The following NAGA variants were observed in gnomAD, a reference collection of about 807,000 sequenced individuals.
NAGA encodes Acetylgalactosaminidase, alpha-N- (alpha-galactosidase B).
A neutral mutation model predicts 45.6 loss-of-function variants in NAGA; 42 were observed. That is an observed-to-expected ratio of 0.92 (90% CI 0.72 to 1.19). The LOEUF (loss-of-function observed/expected upper bound fraction) is 1.19. Among genes scored for constraint, NAGA ranks in the 50% most tolerant of loss-of-function variants. The probability of loss-of-function intolerance (pLI) is 0.00; values close to 1 mark genes in which losing one functional copy is unlikely to be tolerated. For synonymous variants in NAGA, 176 were observed against 203.1 expected (o/e 0.87, Z 1.13); for missense variants, 493 against 544.8 (o/e 0.90, Z 0.95).
rs751045538 is a variant in NAGA, at chr22:42,060,461, C to CCATG, written c.1102-49_1102-48insCATG. The CCATG allele has an allele frequency of 3.7e-6, 6 of 1,608,248 alleles. No homozygotes were observed. In the African/African-American group the frequency reaches 8.2e-5, roughly 22 times the overall value. On this transcript the variant is annotated intron_variant, in intron 8 of 8. Coordinates refer to ENST00000396398, the MANE Select transcript of NAGA (RefSeq NM_000262.3). ...CAATGCCACCATGAGAGTGGCGGCA[C>CCATG]AGAGACCCCCCCCGCTAGAGGATGT...
chr22:42,061,721 G>A (rs1419820578), intron 7 of NAGA, among the ~76,000 whole-genome samples: 1 of 152,146 alleles, frequency 6.6e-6, no homozygotes, highest in South Asian at 2.1e-4. Context: ...GAGGCCAGTG[G>A]ATCAGCTGAC....
At chr22:42,063,909 C>A (rs150015348) in intron 6 of NAGA, among the ~76,000 whole-genome samples, 2,012 of 152,286 alleles carry the variant, frequency 0.013, 23 homozygotes, top group Non-Finnish European at 0.02. Flanking sequence ...TAAAAATTAC[C>A]CAGGCGTGGT....
At position 42,060,179 on chromosome 22, in the gene NAGA, G is replaced by T. The variant is rs1049189891; in HGVS notation, c.*100C>A. On this transcript the variant is annotated 3_prime_UTR_variant, in exon 9 of 9. Transcript: ENST00000396398. ...TATGATGGGGTCAGTCACCGAGCAG[G>T]CCTGGGGAGCAGAGAACCTCCCCAC... is the stretch of plus-strand genomic sequence containing the variant. 5 of 1,492,092 alleles carry T rather than the reference G, an allele frequency of 3.4e-6. No homozygotes were observed. In the East Asian group the frequency reaches 1.1e-4, roughly 34 times the overall value. 92.4% of individuals were successfully genotyped at this position (1,492,092 alleles called of 1,614,324 possible).
intron 3 of NAGA, 131 bp from the exon 4 acceptor site, chr22:42,067,421 C>T (rs1326518968): frequency 8.4e-7 from 1 of 1,184,000 alleles, no homozygotes; most frequent in Non-Finnish European, 1.2e-6. Flanking sequence ...AGCATGCTGG[C>T]CCGGCCTCTG....
chr22:42,060,511 C>G (rs1225877151), intron 8 of NAGA, 98 bp from the exon 9 acceptor site: 1 of 1,551,948 alleles, frequency 6.4e-7, no homozygotes, highest in African/African-American at 1.4e-5. Context: ...TGGACTTTGG[C>G]CTGTCTGTGC....
chr22:42,066,984 C>G, intron 4 of NAGA, 129 bp downstream of exon 4: 1 of 1,476,606 alleles, frequency 6.8e-7, no homozygotes. Flanking sequence ...ATTTAGGGAG[C>G]CTGGGAGCCA....
At chr22:42,060,895 C>T (rs758414605) in intron 8 of NAGA, 29 bp downstream of exon 8, 33 of 1,613,766 alleles carry the variant, frequency 2.0e-5, no homozygotes, top group Middle Eastern at 1.6e-4. Context: ...GAAGCCCAGG[C>T]GGGTGGCTGC....
At position 42,060,251 on chromosome 22, in the gene NAGA, A is replaced by G. The variant is rs747333988; in HGVS notation, c.*28T>C. 1 of 1,612,084 alleles carries G rather than the reference A, an allele frequency of 6.2e-7. No individual in the cohort carries two copies. The highest frequency in any genetic ancestry group is 1.1e-5 in the South Asian group (1 of 90,996). Reference sequence around the variant, plus strand: ...TCCATGGTCTAGGCTCAGTGGTGCCACCACAGCCTGTCACATGTCCCAGCT... The same window carrying G: ...TCCATGGTCTAGGCTCAGTGGTGCCGCCACAGCCTGTCACATGTCCCAGCT... On this transcript the variant is annotated 3_prime_UTR_variant, in exon 9 of 9. Coordinates refer to ENST00000396398, the MANE Select transcript of NAGA (RefSeq NM_000262.3).
intron 4 of NAGA, 88 bp downstream of exon 4, chr22:42,067,025 T>C: frequency 6.3e-7 from 1 of 1,582,192 alleles, no homozygotes; most frequent in Non-Finnish European, 8.7e-7. Flanking sequence ...TAGGGGGAAT[T>C]GGGAAGCTCA....
chr22:42,060,383 T>G lies in NAGA; in HGVS notation c.1132A>C (p.Ser378Arg). 3 of 1,613,538 alleles carry G rather than the reference T, an allele frequency of 1.9e-6. No individual in the cohort carries two copies. Among genetic ancestry groups the G allele is most frequent in the South Asian group, 1.1e-5 (1 of 91,036 alleles). Reference sequence around the variant, plus strand: ...AAGTTGGTTTCATCTCGGAGGCCACTGATGATGTCACCTGAGTAGACGTCC... The same window carrying G: ...AAGTTGGTTTCATCTCGGAGGCCACGGATGATGTCACCTGAGTAGACGTCC... ...AQDVYSGDII[S>R]GLRDETNFTV... The change falls in exon 9 of 9, where the codon AGT becomes CGT. Residue 378 changes from serine (S) to arginine (R), a missense_variant. Coordinates refer to ENST00000396398, the MANE Select transcript of NAGA (RefSeq NM_000262.3).
Position 42,067,242 on chromosome 22 carries a change from A to C in NAGA, c.373T>G (p.Phe125Val). ...KLGIYADMGN[F>V]TCMGYPGTTL... ...GTGCCTGGGTAACCCATGCAGGTGAAGTTGCCCATGTCCGCGTAGATACCC... is the reference window on the plus strand; with the variant it reads ...GTGCCTGGGTAACCCATGCAGGTGACGTTGCCCATGTCCGCGTAGATACCC... The change falls in exon 4 of 9, where the codon TTC becomes GTC. Residue 125 changes from phenylalanine to valine, a missense_variant. Physicochemically the swap from Phe to Val is conservative, Grantham distance 50 (BLOSUM62 -1). Coordinates refer to ENST00000396398, the MANE Select transcript of NAGA (RefSeq NM_000262.3). 2 of 1,614,106 alleles carry C rather than the reference A, an allele frequency of 1.2e-6. No individual in the cohort carries two copies. The highest frequency in any genetic ancestry group is 1.7e-6 in the Non-Finnish European group (2 of 1,180,002).
At position 42,065,867 on chromosome 22, in the gene NAGA, G is replaced by T; in HGVS notation, c.630C>A (p.Asn210Lys). 6.2e-7 allele frequency: 1 copy of T among 1,614,154 alleles called. No individual in the cohort carries two copies. Among genetic ancestry groups the T allele is most frequent in the Non-Finnish European group, 8.5e-7 (1 of 1,180,022 alleles). The change falls in exon 6 of 9, where the codon AAC becomes AAA. Residue 210 changes from asparagine (N) to lysine (K), a missense_variant. Coordinates refer to ENST00000396398, the MANE Select transcript of NAGA (RefSeq NM_000262.3). The part of the protein sequence containing the change: ...VNYSLLADIC[N>K]LWRNYDDIQD... The stretch of plus-strand genomic sequence containing the variant: ...GGATGTCATCATAGTTACGCCAGAG[G>T]TTGCAGATGTCCGCCAGCAGACTGT...
rs1926986814 is a variant in NAGA at position 42,070,472 on chromosome 22, C to T, written c.-175G>A. 2 of 720,588 alleles carry T rather than the reference C, an allele frequency of 2.8e-6. No individual in the cohort carries two copies. The highest frequency in any genetic ancestry group is 2.0e-5 in the Admixed American group (1 of 50,028). The allele number at this position is 720,588 out of a possible 1,614,324, so 44.6% of individuals were successfully genotyped here. A position where few individuals can be genotyped will look rare whatever the true frequency, so the allele number is the denominator to read the frequency against. On this transcript the variant is annotated 5_prime_UTR_variant, in exon 1 of 9. Transcript: ENST00000396398. ...TCGTACACTCGGTCCCCAAGTTGCC[C>T]GCCCCATCCCCAGCCATCACTTCCC...
At position 42,060,062 on chromosome 22, in the gene NAGA, G is replaced by A; in HGVS notation, c.*217C>T. On this transcript the variant is annotated 3_prime_UTR_variant, in exon 9 of 9. Transcript: ENST00000396398. ...CTGCGCACATGGAAGTAGAGGCCAG[G>A]AAGGCCACAGGAAAATTGCCCCAAA... 1.7e-6 allele frequency: 1 copy of A among 592,272 alleles called. No homozygotes were observed. The highest frequency in any genetic ancestry group is 3.0e-6 in the Non-Finnish European group (1 of 333,512). 36.7% of individuals were successfully genotyped at this position (592,272 alleles called of 1,614,324 possible). A position where few individuals can be genotyped will look rare whatever the true frequency, so the allele number is the denominator to read the frequency against.
At position 42,060,226 on chromosome 22, in the gene NAGA, TC is replaced by T. The variant is rs1241682102; in HGVS notation, c.*52del. On this transcript the variant is annotated 3_prime_UTR_variant, in exon 9 of 9. Transcript: ENST00000396398. The stretch of plus-strand genomic sequence containing the variant: ...CCACTTGCCCTGGGCATGCCAAGGC[TC>T]CATGGTCTAGGCTCAGTGGTGCCAC... The T allele has an allele frequency of 6.2e-7, 1 of 1,608,894 alleles. No homozygotes were observed. Among genetic ancestry groups the T allele is most frequent in the Non-Finnish European group, 8.5e-7 (1 of 1,179,338 alleles).
Position 42,065,909 on chromosome 22 carries a change from G to T in NAGA, c.598-10C>A, listed in dbSNP as rs776249174. 1.9e-6 allele frequency: 3 copies of T among 1,613,626 alleles called. No individual in the cohort carries two copies. The highest frequency in any genetic ancestry group is 1.7e-6 in the Non-Finnish European group (2 of 1,179,756). ...GCAGACTGTAGTTCACCTGGATGTCGAGGGGAAGGCAGAGTCCAGCACCAG... is the reference window on the plus strand; with the variant it reads ...GCAGACTGTAGTTCACCTGGATGTCTAGGGGAAGGCAGAGTCCAGCACCAG... On this transcript the variant is annotated splice_polypyrimidine_tract_variant and intron_variant, in intron 5 of 8. Transcript: ENST00000396398.
rs370210976 is a variant in NAGA at position 42,067,876 on chromosome 22, G to A, written c.213C>T (p.Gly71=). Reference sequence around the variant, plus strand: ...AGTCATCAATGTTGAGGTATGTGTAGCCCATGTCCCGCCATCCATCCTGTG... The same window carrying A: ...AGTCATCAATGTTGAGGTATGTGTAACCCATGTCCCGCCATCCATCCTGTG... The part of the protein sequence containing the change: ...RMAQDGWRDM[G]YTYLNIDDCW... The change falls in exon 3 of 9, where the codon GGC becomes GGT. Residue 71 remains glycine (G), a synonymous_variant. Transcript: ENST00000396398. 2 of 1,613,716 alleles carry A rather than the reference G, an allele frequency of 1.2e-6. No individual in the cohort carries two copies. Among genetic ancestry groups the A allele is most frequent in the Non-Finnish European group, 1.7e-6 (2 of 1,179,982 alleles).
At position 42,070,277 on chromosome 22, in the gene NAGA, G is replaced by A. The variant is rs1285202269; in HGVS notation, c.16+5C>T. 37 of 1,614,124 alleles carry A rather than the reference G, an allele frequency of 2.3e-5. No homozygotes were observed. The highest frequency in any genetic ancestry group is 3.0e-5 in the Non-Finnish European group (35 of 1,180,050). On this transcript the variant is annotated splice_donor_5th_base_variant and intron_variant, in intron 1 of 8. Transcript: ENST00000396398. ...CTTCCAAGCCACCCCAGCCGGTGTA[G>A]GTACCTGTCTTCAGCAGCATCGCTC... is the stretch of plus-strand genomic sequence containing the variant.
chr22:42,069,706 A>C (rs528306559), intron 1 of NAGA, among the ~76,000 whole-genome samples: 1 of 152,260 alleles, frequency 6.6e-6, no homozygotes, highest in African/African-American at 2.4e-5. Context: ...TTTTATAATA[A>C]ATTGTTGAAT....
Sources: allele counts gnomAD v4.1 joint callset (sites outside exome capture counted in the v4.1 genomes callset), GRCh38; gene constraint gnomAD v4.1.1; transcripts MANE v1.5; gene names NCBI Gene and HGNC (gene_info 2026-07-23, HGNC 2026-07-21).